ZBTB26: variants seen among roughly 807,000 people sequenced by gnomAD.
ZBTB26 encodes zinc finger and BTB domain containing 26, also known as zinc finger and BTB domain-containing protein 26.
ZBTB26 carries 12 observed loss-of-function variants against 31.6 expected under a neutral mutation model. That is an observed-to-expected ratio of 0.38 (90% CI 0.24 to 0.61). The LOEUF is 0.61. ZBTB26 is among the 20% of genes least tolerant of loss of function. The probability of loss-of-function intolerance (pLI) is 0.60; values close to 1 mark genes in which losing one functional copy is unlikely to be tolerated. For missense variants in ZBTB26, 311 were observed against 521.9 expected (o/e 0.60, Z 3.94); for synonymous variants, 155 against 182.9 (o/e 0.85, Z 1.23).
Position 122,918,820 on chromosome 9 carries a change from T to G in ZBTB26, c.1115A>C (p.His372Pro). ...GTTTTTGCCATGCAGCTGTTTAAGG[T>G]GTTTCCTCAAAACTGGTTTATGTGC... is the stretch of plus-strand genomic sequence containing the variant. ...VFAHKPVLRK[H>P]LKQLHGKNSF... The change falls in exon 2 of 2, where the codon CAC becomes CCC. Residue 372 changes from histidine (H) to proline (P), a missense_variant. By Grantham distance (77) the His-to-Pro change is moderately conservative (BLOSUM62 -2). Transcript: ENST00000373656. The G allele has an allele frequency of 6.2e-7, 1 of 1,614,212 alleles. No individual in the cohort carries two copies. The highest frequency in any genetic ancestry group is 8.5e-7 in the Non-Finnish European group (1 of 1,180,022).
chr9:122,928,214 T>C (rs1467089854), intron 1 of ZBTB26, among the ~76,000 whole-genome samples: 1 of 152,246 alleles, frequency 6.6e-6, no homozygotes, highest in Non-Finnish European at 1.5e-5. Flanking sequence ...ATACATAAAC[T>C]ATACATATTG....
At chr9:122,923,939 T>A in intron 1 of ZBTB26, among the ~76,000 whole-genome samples, 1 of 152,350 alleles carries the variant, frequency 6.6e-6, no homozygotes, top group South Asian at 2.1e-4. Context: ...TGTGTTACAA[T>A]TGCCTACAGT....
intron 1 of ZBTB26, among the ~76,000 whole-genome samples, chr9:122,923,886 A>G (rs905602839): frequency 1.3e-5 from 2 of 152,156 alleles, no homozygotes; most frequent in East Asian, 3.8e-4. Context: ...ATAATACCAT[A>G]TTTTTACTGT....
Position 122,917,577 on chromosome 9 carries a change from T to C in ZBTB26, c.*1032A>G, listed in dbSNP as rs953132949. On this transcript the variant is annotated 3_prime_UTR_variant, in exon 2 of 2. Coordinates refer to ENST00000373656, the MANE Select transcript of ZBTB26 (RefSeq NM_020924.4). The stretch of plus-strand genomic sequence containing the variant: ...GAGGTATCTGAATACAGAAATTTGA[T>C]TGCCCCTTCTGTGTCCAACCTAACT... The C allele has an allele frequency of 6.0e-5, 9 of 150,910 alleles. No individual in the cohort carries two copies. Among genetic ancestry groups the C allele is most frequent in the African/African-American group, 1.9e-4 (8 of 41,380 alleles). 9.3% of individuals were successfully genotyped at this position (150,910 alleles called of 1,614,324 possible).
chr9:122,918,117 A>T lies in ZBTB26; in HGVS notation c.*492T>A, dbSNP rs565299626. The T allele has an allele frequency of 4.5e-5, 7 of 156,254 alleles. No individual in the cohort carries two copies. The South Asian group carries it at 1.4e-3, about 31-fold the overall frequency. 9.7% of individuals were successfully genotyped at this position (156,254 alleles called of 1,614,324 possible). ...CAAATGGTAGGAAGCAGATTCATTT[A>T]TCAGACATGGAGGAATAATCAATAG... On this transcript the variant is annotated 3_prime_UTR_variant, in exon 2 of 2. Coordinates refer to ENST00000373656, the MANE Select transcript of ZBTB26 (RefSeq NM_020924.4).
intron 1 of ZBTB26, among the ~76,000 whole-genome samples, chr9:122,923,959 A>G (rs1833139632): frequency 6.6e-6 from 1 of 152,232 alleles, no homozygotes; most frequent in African/African-American, 2.4e-5. Flanking sequence ...TATTCAGTAT[A>G]GTAACATGTG....
Position 122,919,327 on chromosome 9 carries a change from A to C in ZBTB26, c.608T>G (p.Phe203Cys). Residue 203 changes from phenylalanine (F) to cysteine (C), a missense_variant, in exon 2 of 2, where the codon TTT becomes TGT. By Grantham distance (205) the Phe-to-Cys change is radical (BLOSUM62 -2). This residue lies in a region of ZBTB26 where 207 missense variants were observed against 298.6 expected (regional missense o/e 0.69). Transcript: ENST00000373656. This position sits in a 1 kb window ranked among gnomAD's most constrained non-coding sequence, Gnocchi z 6.1. ...EVRSKKDQNQFISSEPTALHS... is the reference protein window; with the variant it reads ...EVRSKKDQNQCISSEPTALHS... ...TAAAGCAGTGGGTTCAGAAGAAATA[A>C]ACTGGTTCTGATCTTTTTTACTTCT... 1 of 1,614,186 alleles carries C rather than the reference A, an allele frequency of 6.2e-7. No homozygotes were observed. The highest frequency in any genetic ancestry group is 8.5e-7 in the Non-Finnish European group (1 of 1,180,036).
At chr9:122,924,941 C>A in intron 1 of ZBTB26, among the ~76,000 whole-genome samples, 1 of 152,050 alleles carries the variant, frequency 6.6e-6, no homozygotes, top group South Asian at 2.1e-4. Flanking sequence ...CAGGCATGAA[C>A]CTGTTTTAAA....
At chr9:122,926,399 C>T (rs1307023183) in intron 1 of ZBTB26, among the ~76,000 whole-genome samples, 1 of 150,574 alleles carries the variant, frequency 6.6e-6, no homozygotes, top group East Asian at 2.0e-4. Flanking sequence ...CCTAGCTACT[C>T]GGGAGGCTGA....
intron 1 of ZBTB26, among the ~76,000 whole-genome samples, chr9:122,921,590 C>A (rs1254768368): frequency 6.6e-6 from 1 of 152,190 alleles, no homozygotes; most frequent in Non-Finnish European, 1.5e-5. Flanking sequence ...TACATAACAG[C>A]TCTCTCTTGG....
In ZBTB26 at chr9:122,917,641, C is replaced by T. The variant is rs373988711; in HGVS notation, c.*968G>A. On this transcript the variant is annotated 3_prime_UTR_variant, in exon 2 of 2. Coordinates refer to ENST00000373656, the MANE Select transcript of ZBTB26 (RefSeq NM_020924.4). The stretch of plus-strand genomic sequence containing the variant: ...TTAGAAATTAAGGTACATGAGGAAA[C>T]GAAAATTCAGAGACTTTTATGGTGC... 7.2e-5 allele frequency: 11 copies of T among 152,242 alleles called. No homozygotes were observed. The highest frequency in any genetic ancestry group is 6.8e-3 in the Middle Eastern group (2 of 294). The allele number at this position is 152,242 out of a possible 1,614,324, so 9.4% of individuals were successfully genotyped here.
chr9:122,929,270 G>T (rs1833230827), intron 1 of ZBTB26, among the ~76,000 whole-genome samples: 1 of 152,206 alleles, frequency 6.6e-6, no homozygotes, highest in African/African-American at 2.4e-5. Context: ...GCAGAGAGTG[G>T]AAACGGACTT....
At chr9:122,925,906 A>G (rs565008471) in intron 1 of ZBTB26, among the ~76,000 whole-genome samples, 25 of 151,578 alleles carry the variant, frequency 1.6e-4, no homozygotes, top group Non-Finnish European at 3.5e-4. Context: ...GATTACAGGC[A>G]GGCGCCACCA....
At chr9:122,928,303 T>C (rs955179514) in intron 1 of ZBTB26, among the ~76,000 whole-genome samples, 1 of 151,850 alleles carries the variant, frequency 6.6e-6, no homozygotes, top group African/African-American at 2.4e-5. Context: ...CTTCTTTTGA[T>C]TTTTTTTCAT....
chr9:122,927,253 T>C (rs1304895400), intron 1 of ZBTB26, among the ~76,000 whole-genome samples: 1 of 152,244 alleles, frequency 6.6e-6, no homozygotes, highest in East Asian at 1.9e-4. Context: ...TTTATATTTA[T>C]ACAATCCTTC....
rs1164163018 is a variant in ZBTB26, at chr9:122,924,599, TA to T, written c.-10-4656del. 4.7e-5 allele frequency among the ~76,000 whole-genome samples: 7 copies of T among 147,582 alleles called. No homozygotes were observed. The East Asian group carries it at 1.2e-3, about 25-fold the overall frequency. On this transcript the variant is annotated intron_variant, in intron 1 of 1. Coordinates refer to ENST00000373656, the MANE Select transcript of ZBTB26 (RefSeq NM_020924.4). ...TGTTACCAAAATAGTTTTGGCAATATAAAACCAAATTTCAACTTTCTTTTTT... is the reference window on the plus strand; with the variant it reads ...TGTTACCAAAATAGTTTTGGCAATATAAACCAAATTTCAACTTTCTTTTTT...
intron 1 of ZBTB26, among the ~76,000 whole-genome samples, chr9:122,926,494 G>A (rs1164672428): frequency 9.6e-5 from 14 of 145,740 alleles, no homozygotes; most frequent in Middle Eastern, 3.6e-3. Flanking sequence ...GCGACAGAGC[G>A]AGACTCCGTC....
chr9:122,928,777 A>G (rs144156973), intron 1 of ZBTB26, among the ~76,000 whole-genome samples: 3 of 152,334 alleles, frequency 2.0e-5, no homozygotes, highest in East Asian at 1.9e-4. Flanking sequence ...CTATTTCCCT[A>G]TCACTTGAAA....
chr9:122,921,101 G>A (rs1006372750), intron 1 of ZBTB26, among the ~76,000 whole-genome samples: 4 of 152,186 alleles, frequency 2.6e-5, no homozygotes, highest in Non-Finnish European at 4.4e-5. Flanking sequence ...CAATGGAGAA[G>A]GTATCTTTCC....
Sources: allele counts gnomAD v4.1 joint callset (sites outside exome capture counted in the v4.1 genomes callset), GRCh38; gene constraint gnomAD v4.1.1; regional missense constraint gnomAD v4.1.1; non-coding constraint Gnocchi (gnomAD v3.1); transcripts MANE v1.5; gene names NCBI Gene and HGNC (gene_info 2026-07-23, HGNC 2026-07-21).